Variants in AGER observed in about 807,000 individuals in gnomAD.
AGER encodes advanced glycation end product-specific receptor.
A neutral mutation model predicts 48.8 loss-of-function variants in AGER; 46 were observed. The observed-to-expected ratio is 0.94, with a 90% CI of 0.74 to 1.20. The LOEUF (loss-of-function observed/expected upper bound fraction) is 1.20. Among genes scored for constraint, AGER ranks in the 50% most tolerant of loss-of-function variants. The probability of loss-of-function intolerance (pLI) is 0.00; values close to 1 mark genes in which losing one functional copy is unlikely to be tolerated. For missense variants in AGER, 489 were observed against 515.0 expected, an observed-to-expected ratio of 0.95 and a Z score of 0.49; for synonymous variants, 170 against 199.9, an observed-to-expected ratio of 0.85 and a Z score of 1.26.
chr6:32,182,722 G>T lies in AGER; in HGVS notation c.692-24C>A. 6.2e-7 allele frequency: 1 copy of T among 1,613,100 alleles called. No homozygotes were observed. Among genetic ancestry groups the T allele is most frequent in the South Asian group, 1.1e-5 (1 of 91,082 alleles). On this transcript the variant is annotated intron_variant, in intron 6 of 10. Transcript: ENST00000375076. The surrounding 1 kb of genome is among the most constrained non-coding windows in gnomAD (Gnocchi z 5.1). ...CTCTGGGAGTTGGAAGGGTTTTGAG[G>T]TGGAGAGTTACACTTGTGAGTGATC...
chr6:32,183,239 T>C, intron 4 of AGER, 38 bp from the exon 5 acceptor site: 3 of 1,611,940 alleles, frequency 1.9e-6, no homozygotes, highest in Non-Finnish European at 2.5e-6. Context: ...CCTTTGAAAA[T>C]GAGAGATGCC....
Position 32,181,370 on chromosome 6 carries a change from GC to G in AGER, c.1098del (p.Gln367AsnfsTer22), listed in dbSNP as rs1170191947. ...LLIGVILWQRRQRRGEERKAP... is the reference protein window; with the variant it reads ...LLIGVILWQRXQRRGEERKAP... ...ACTCACCTCTCCTCTCCTCGGCGTT[GC>G]CGCCTTTGCCACAAGATGACCCCAA... On this transcript the variant is annotated frameshift_variant, in exon 10 of 11. Coordinates refer to ENST00000375076, the MANE Select transcript of AGER (RefSeq NM_001136.5). LOFTEE classifies it high-confidence loss of function. The surrounding 1 kb of genome is among the most constrained non-coding windows in gnomAD (Gnocchi z 4.1). 6.2e-7 allele frequency: 1 copy of G among 1,612,528 alleles called. No homozygotes were observed.
At position 32,182,442 on chromosome 6, in the gene AGER, C is replaced by T. The variant is rs768455447; in HGVS notation, c.823-54G>A. 1.1e-5 allele frequency: 17 copies of T among 1,590,110 alleles called. No individual in the cohort carries two copies. Among genetic ancestry groups the T allele is most frequent in the Non-Finnish European group, 1.5e-5 (17 of 1,167,526 alleles). The stretch of plus-strand genomic sequence containing the variant: ...TTCAAAACCCTTGTCTTTTTGTCTC[C>T]ATATCTTCAGATACCCTCTCTTCCT... On this transcript the variant is annotated intron_variant, in intron 7 of 10. Coordinates refer to ENST00000375076, the MANE Select transcript of AGER (RefSeq NM_001136.5). This position sits in a 1 kb window ranked among gnomAD's most constrained non-coding sequence, Gnocchi z 5.1.
chr6:32,184,082 G>A (rs1322234360), intron 1 of AGER, 89 bp downstream of exon 1: 16 of 1,606,828 alleles, frequency 1.0e-5, no homozygotes, highest in Non-Finnish European at 1.3e-5. Context: ...GCACTTCCTC[G>A]GGTTCTGGGA....
At position 32,181,195 on chromosome 6, in the gene AGER, A is replaced by C. The variant is rs756762501; in HGVS notation, c.1163T>G (p.Leu388Arg). The change falls in exon 11 of 11, where the codon CTG becomes CGG. Residue 388 changes from leucine (L) to arginine (R), a missense_variant. Leu to Arg is a moderately radical substitution (Grantham distance 102, BLOSUM62 -2). Transcript: ENST00000375076. This position sits in a 1 kb window ranked among gnomAD's most constrained non-coding sequence, Gnocchi z 4.1. ...NQEEEEERAE[L>R]NQSEEPEAGE... ...TGCCTCAGGTTCCTCCGACTGATTC[A>C]GTTCTGCACGCTCCTCCTCTTCCTC... 6.2e-7 allele frequency: 1 copy of C among 1,614,146 alleles called. No homozygotes were observed. Among genetic ancestry groups the C allele is most frequent in the African/African-American group, 1.3e-5 (1 of 75,010 alleles).
intron 4 of AGER, 48 bp downstream of exon 4, chr6:32,183,276 C>T (rs1263236479): frequency 6.2e-7 from 1 of 1,613,094 alleles, no homozygotes; most frequent in Non-Finnish European, 8.5e-7. Context: ...ACACACTCGC[C>T]TCCTGTTCAC....
chr6:32,182,689 G>T lies in AGER; in HGVS notation c.701C>A (p.Pro234His). The T allele has an allele frequency of 1.2e-6, 2 of 1,613,128 alleles. No individual in the cohort carries two copies. The highest frequency in any genetic ancestry group is 1.7e-6 in the Non-Finnish European group (2 of 1,180,042). Residue 234 changes from proline (P) to histidine (H), a missense_variant, in exon 7 of 11, where the codon CCT becomes CAT. Pro to His is a moderately conservative substitution (Grantham distance 77). Coordinates refer to ENST00000375076, the MANE Select transcript of AGER (RefSeq NM_001136.5). The surrounding 1 kb of genome is among the most constrained non-coding windows in gnomAD (Gnocchi z 5.1). ...CACCACCAATTGGACCTCCTCCAGA[G>T]GCACAGGCTCTGGGAGTTGGAAGGG... Reference protein sequence around the residue: ...PIQPRVWEPVPLEEVQLVVEP... With the variant: ...PIQPRVWEPVHLEEVQLVVEP...
At chr6:32,183,251 C>G (rs763852460) in intron 4 of AGER, 50 bp from the exon 5 acceptor site, 1 of 1,612,026 alleles carries the variant, frequency 6.2e-7, no homozygotes, top group South Asian at 1.1e-5. Flanking sequence ...AGAGATGCCA[C>G]ACACCCACAC....
chr6:32,181,456 A>G lies in AGER; in HGVS notation c.1013T>C (p.Leu338Pro), dbSNP rs1786192285. The change falls in exon 10 of 11, where the codon CTG becomes CCG. Residue 338 changes from leucine to proline, a missense_variant. By Grantham distance (98) the Leu-to-Pro change is moderately conservative. Transcript: ENST00000375076. This position sits in a 1 kb window ranked among gnomAD's most constrained non-coding sequence, Gnocchi z 4.1. ...PTAGSVGGSG[L>P]GTLALALGIL... ...CCCCAGGGCCAGGGCTAGAGTTCCC[A>G]GCCCTGATCCTCCCACAGAGCCTGT... 1 of 1,613,316 alleles carries G rather than the reference A, an allele frequency of 6.2e-7. No homozygotes were observed.
At position 32,181,979 on chromosome 6, in the gene AGER, C is replaced by T. The variant is rs55640627; in HGVS notation, c.964+268G>A. 63,609 of 644,900 alleles carry T rather than the reference C, an allele frequency of 0.099. 3,899 individuals are homozygous for T. The highest frequency in any genetic ancestry group is 0.19 in the Admixed American group (8,332 of 43,414). 39.9% of individuals were successfully genotyped at this position (644,900 alleles called of 1,614,324 possible). On this transcript the variant is annotated intron_variant, in intron 8 of 10. Transcript: ENST00000375076. This position sits in a 1 kb window ranked among gnomAD's most constrained non-coding sequence, Gnocchi z 4.1. ...AACTCCCTACCTCAGGTGATCTGCC[C>T]GCCTCAGCCTCCCAAAGTGTTGGGA...
Position 32,183,550 on chromosome 6 carries a change from C to G in AGER, c.355+5G>C, listed in dbSNP as rs1410524506. On this transcript the variant is annotated splice_donor_5th_base_variant and intron_variant, in intron 3 of 10. Coordinates refer to ENST00000375076, the MANE Select transcript of AGER (RefSeq NM_001136.5). The stretch of plus-strand genomic sequence containing the variant: ...AGGCCTTGGAGAAGACCCTGGAATT[C>G]TTACGGTAGACACGGACTCGGTAGT... The G allele has an allele frequency of 1.9e-6, 3 of 1,612,988 alleles. No homozygotes were observed. In the African/African-American group the frequency reaches 4.0e-5, roughly 22 times the overall value.
rs780501411 is a variant in AGER at position 32,181,544 on chromosome 6, T to TC, written c.991+61dup. On this transcript the variant is annotated intron_variant, in intron 9 of 10. Transcript: ENST00000375076. This position sits in a 1 kb window ranked among gnomAD's most constrained non-coding sequence, Gnocchi z 4.1. The stretch of plus-strand genomic sequence containing the variant: ...CTCACCATTCCTTTCTTGTTGACCA[T>TC]CCCCCCAGTCACATGTGTTGGGGGC... 18 of 1,612,814 alleles carry TC rather than the reference T, an allele frequency of 1.1e-5. No individual in the cohort carries two copies. Among genetic ancestry groups the TC allele is most frequent in the Non-Finnish European group, 1.5e-5 (18 of 1,180,000 alleles).
Position 32,181,123 on chromosome 6 carries a change from G to A in AGER, c.*20C>T, listed in dbSNP as rs2127431868. ...GAAAAAGAAAAGGGAGCTGATGGAT[G>A]GGATCTGTCTGTGGGCCCCTCAAGG... On this transcript the variant is annotated 3_prime_UTR_variant, in exon 11 of 11. Coordinates refer to ENST00000375076, the MANE Select transcript of AGER (RefSeq NM_001136.5). This position sits in a 1 kb window ranked among gnomAD's most constrained non-coding sequence, Gnocchi z 4.1. 6.2e-7 allele frequency: 1 copy of A among 1,611,560 alleles called. No individual in the cohort carries two copies. Among genetic ancestry groups the A allele is most frequent in the Non-Finnish European group, 8.5e-7 (1 of 1,177,704 alleles).
At position 32,181,299 on chromosome 6, in the gene AGER, C is replaced by T. The variant is rs575685813; in HGVS notation, c.1118+52G>A. 34 of 1,613,738 alleles carry T rather than the reference C, an allele frequency of 2.1e-5. No individual in the cohort carries two copies. The highest frequency in any genetic ancestry group is 2.0e-4 in the Admixed American group (12 of 60,028). Reference sequence around the variant, plus strand: ...GTCGTTCCACCCCCCGACCCCTCTTCGCTTGCTGCCTGGAAGCCCTAGGTC... The same window carrying T: ...GTCGTTCCACCCCCCGACCCCTCTTTGCTTGCTGCCTGGAAGCCCTAGGTC... On this transcript the variant is annotated intron_variant, in intron 10 of 10. Transcript: ENST00000375076. This position sits in a 1 kb window ranked among gnomAD's most constrained non-coding sequence, Gnocchi z 4.1.
At chr6:32,183,263 C>T in intron 4 of AGER, 61 bp downstream of exon 4, 3 of 1,612,726 alleles carry the variant, frequency 1.9e-6, no homozygotes, top group Non-Finnish European at 1.7e-6. Context: ...CACCCACACC[C>T]ACACACACTC....
Position 32,181,925 on chromosome 6 carries a change from G to A in AGER, c.965-293C>T. The A allele has an allele frequency of 6.7e-6, 4 of 597,034 alleles. No homozygotes were observed. The highest frequency in any genetic ancestry group is 5.9e-5 in the South Asian group (3 of 50,560). 37.0% of individuals were successfully genotyped at this position (597,034 alleles called of 1,614,324 possible). A position where few individuals can be genotyped will look rare whatever the true frequency, so the allele number is the denominator to read the frequency against. On this transcript the variant is annotated intron_variant, in intron 8 of 10. Coordinates refer to ENST00000375076, the MANE Select transcript of AGER (RefSeq NM_001136.5). The surrounding 1 kb of genome is among the most constrained non-coding windows in gnomAD (Gnocchi z 4.1). ...ATTTTGTATTTTTAGTAGAAATGGG[G>A]TTTCTCCATGTTGGTCAGGCTGGTC... is the stretch of plus-strand genomic sequence containing the variant.
rs17846804 is a variant in AGER, at chr6:32,183,957, G to A, written c.83C>T (p.Ala28Val). The A allele has an allele frequency of 1.6e-4, 266 of 1,613,064 alleles. 4 individuals are homozygous for A. In the East Asian group the frequency reaches 5.4e-3, roughly 33 times the overall value. The change falls in exon 2 of 11, where the codon GCC (alanine) becomes GTC (valine). Residue 28 changes from alanine to valine, a missense_variant. Transcript: ENST00000375076. ...GAVVGAQNIT[A>V]RIGEPLVLKC... ...CAGCACCAGTGGCTCGCCAATCCGG[G>A]CTGTGATGTTTTGAGCACCTACTAC...
Position 32,182,612 on chromosome 6 carries a change from C to A in AGER, c.778G>T (p.Glu260Ter). ...TGAGGAGAGGGCTGGGCAGGGACTTCACAGGTCAGGGTTACGGTTCCACCA... is the reference window on the plus strand; with the variant it reads ...TGAGGAGAGGGCTGGGCAGGGACTTAACAGGTCAGGGTTACGGTTCCACCA... ...APGGTVTLTC[E>*]VPAQPSPQIH... Residue 260 changes from glutamate to a stop codon, truncating the protein, a stop_gained, in exon 7 of 11, where the codon GAA (glutamate) becomes TAA (stop). Transcript: ENST00000375076. LOFTEE classifies it high-confidence loss of function. The surrounding 1 kb of genome is among the most constrained non-coding windows in gnomAD (Gnocchi z 5.1). 6.2e-7 allele frequency: 1 copy of A among 1,613,092 alleles called. No individual in the cohort carries two copies. Among genetic ancestry groups the A allele is most frequent in the East Asian group, 2.2e-5 (1 of 44,880 alleles).
intron 4 of AGER, 47 bp from the exon 5 acceptor site, chr6:32,183,248 CCACACACCCACACCCA>C (rs1186379479): frequency 6.2e-7 from 1 of 1,611,918 alleles, no homozygotes; most frequent in Admixed American, 1.7e-5. Flanking sequence ...ATGAGAGATG[CCACACACCCACACCCA>C]CACACACTCG....
Sources: gnomAD v4.1 joint callset for allele counts on GRCh38, gnomAD v4.1.1 for gene constraint, Gnocchi (gnomAD v3.1) non-coding constraint, MANE v1.5 for transcripts, NCBI Gene and HGNC (gene_info 2026-07-23, HGNC 2026-07-21) for gene names.